ZFAT: variants seen among roughly 807,000 people sequenced by gnomAD.
ZFAT encodes the protein zinc finger protein ZFAT.
In ZFAT, 64 loss-of-function variants were observed where a neutral mutation model predicts 117.7. The ratio of observed to expected loss-of-function variants is 0.54; its 90% CI spans 0.44 to 0.67. ZFAT has a LOEUF of 0.67. Ranked by LOEUF, ZFAT falls within the 30% of genes least tolerant of loss-of-function variation. ZFAT has a pLI of 0.00. For synonymous variants in ZFAT, 679 were observed against 615.0 expected (o/e 1.10, Z -1.54); for missense variants, 1,433 against 1,584.5 (o/e 0.90, Z 1.62).
At chr8:134,737,294 AT>A in the ZFAT span, among the ~76,000 whole-genome samples, 152 of 123,906 alleles carry the variant, frequency 1.2e-3, 3 homozygotes, top group South Asian at 7.0e-3. Flanking sequence ...AAAAATGAAA[AT>A]AAAAATAAAA....
intron 15 of ZFAT, among the ~76,000 whole-genome samples, chr8:134,486,665 T>C (rs1397082470): frequency 6.6e-6 from 1 of 152,092 alleles, no homozygotes; most frequent in Non-Finnish European, 1.5e-5. Context: ...CAGATCCAGA[T>C]CCAGCCTTCC....
chr8:134,680,355 T>C (rs1430890860), intron 1 of ZFAT, among the ~76,000 whole-genome samples: 1 of 151,506 alleles, frequency 6.6e-6, no homozygotes, highest in African/African-American at 2.4e-5. Context: ...TAGAGCATAA[T>C]AATTGGATTT....
the ZFAT span, among the ~76,000 whole-genome samples, chr8:134,761,483 C>T: frequency 3.3e-5 from 5 of 151,476 alleles, no homozygotes; most frequent in African/African-American, 7.3e-5. Context: ...CGGCAAATCA[C>T]GAGATCAAGA....
chr8:134,570,672 A>G (rs1286799803), intron 10 of ZFAT, among the ~76,000 whole-genome samples: 1 of 152,148 alleles, frequency 6.6e-6, no homozygotes, highest in Non-Finnish European at 1.5e-5. Context: ...CCCATTCAGA[A>G]GTCTGTTCAG....
intron 3 of ZFAT, among the ~76,000 whole-genome samples, chr8:134,614,409 C>A (rs1160192492): frequency 1.3e-5 from 2 of 152,184 alleles, no homozygotes; most frequent in Non-Finnish European, 2.9e-5. Context: ...GAGTGACAAG[C>A]CAAAAGGCAG....
the ZFAT span, among the ~76,000 whole-genome samples, chr8:134,798,943 C>T: frequency 6.6e-6 from 1 of 152,096 alleles, no homozygotes; most frequent in South Asian, 2.1e-4. Flanking sequence ...ACTACCTTTA[C>T]ATTATATGCT....
the ZFAT span, among the ~76,000 whole-genome samples, chr8:134,741,833 C>A: frequency 2.6e-5 from 4 of 151,358 alleles, no homozygotes; most frequent in Non-Finnish European, 5.9e-5. Context: ...AGTAGAATGG[C>A]AATACCTTTC....
chr8:134,675,833 C>T (rs540700245), intron 1 of ZFAT, among the ~76,000 whole-genome samples: 2 of 152,158 alleles, frequency 1.3e-5, no homozygotes, highest in Non-Finnish European at 2.9e-5. Context: ...ATTTCATATC[C>T]GGCCAAACTA....
intron 3 of ZFAT, among the ~76,000 whole-genome samples, chr8:134,622,005 T>TGTAA (rs1251735577): frequency 6.6e-6 from 1 of 152,254 alleles, no homozygotes; most frequent in Non-Finnish European, 1.5e-5. Flanking sequence ...AATGAGTCAC[T>TGTAA]GTAAGGTTCA....
At chr8:134,499,426 C>T (rs190566975) in intron 15 of ZFAT, among the ~76,000 whole-genome samples, 5 of 147,334 alleles carry the variant, frequency 3.4e-5, no homozygotes, top group Middle Eastern at 3.9e-3. Flanking sequence ...ACACACAGAG[C>T]GTGATTTGGT....
chr8:134,653,832 T>A (rs1831430693), intron 2 of ZFAT, among the ~76,000 whole-genome samples: 1 of 152,186 alleles, frequency 6.6e-6, no homozygotes, highest in Admixed American at 6.5e-5. Flanking sequence ...CATATTATGA[T>A]CCCATTTTTG....
chr8:134,820,978 T>C, the ZFAT span, among the ~76,000 whole-genome samples: 1 of 152,178 alleles, frequency 6.6e-6, no homozygotes, highest in Non-Finnish European at 1.5e-5. Flanking sequence ...GAATGAATAA[T>C]GATGAGATGA....
the ZFAT span, among the ~76,000 whole-genome samples, chr8:134,773,697 G>A: frequency 6.6e-6 from 1 of 152,152 alleles, no homozygotes; most frequent in Non-Finnish European, 1.5e-5. Flanking sequence ...CAAACCTTAT[G>A]GATGACTTTG....
intron 13 of ZFAT, among the ~76,000 whole-genome samples, chr8:134,517,875 AGT>A (rs1820364997): frequency 6.6e-6 from 1 of 152,192 alleles, no homozygotes; most frequent in Non-Finnish European, 1.5e-5. Context: ...CATGAGATGA[AGT>A]GTCTTCTCAT....
intron 3 of ZFAT, among the ~76,000 whole-genome samples, chr8:134,612,215 T>C (rs1245190995): frequency 6.6e-6 from 1 of 152,084 alleles, no homozygotes; most frequent in Non-Finnish European, 1.5e-5. Flanking sequence ...CAGCCATGAG[T>C]GTGGAAACGG....
chr8:134,629,234 G>A (rs1257564336), intron 3 of ZFAT, among the ~76,000 whole-genome samples: 1 of 152,124 alleles, frequency 6.6e-6, no homozygotes, highest in African/African-American at 2.4e-5. Context: ...GATGAGTTTC[G>A]GATTGAACAC....
chr8:134,487,735 A>G (rs1455501353), intron 15 of ZFAT, among the ~76,000 whole-genome samples: 1 of 152,112 alleles, frequency 6.6e-6, no homozygotes, highest in Non-Finnish European at 1.5e-5. Flanking sequence ...ACTCACGTCC[A>G]TGCCCTCTCC....
the ZFAT span, among the ~76,000 whole-genome samples, chr8:134,728,763 G>C: frequency 6.6e-6 from 1 of 152,202 alleles, no homozygotes; most frequent in Non-Finnish European, 1.5e-5. Flanking sequence ...TAAAATTGCA[G>C]AGTCTATATT....
At chr8:134,630,649 CAT>C (rs1291452921) in intron 3 of ZFAT, among the ~76,000 whole-genome samples, 2 of 152,098 alleles carry the variant, frequency 1.3e-5, no homozygotes, top group Non-Finnish European at 2.9e-5. Flanking sequence ...ATAAATTTGA[CAT>C]ATTGATTTCT....
Sources: gnomAD v4.1 joint callset for allele counts (sites outside exome capture counted in the v4.1 genomes callset) on GRCh38, gnomAD v4.1.1 for gene constraint, MANE v1.5 for transcripts, NCBI Gene and HGNC (gene_info 2026-07-23, HGNC 2026-07-21) for gene names.